Variants in DDHD1 observed in about 807,000 individuals in gnomAD.
The protein encoded by DDHD1 is phospholipase DDHD1.
DDHD1 carries 49 observed loss-of-function variants against 96.4 expected under a neutral mutation model. That is an observed-to-expected ratio of 0.51 (90% CI 0.40 to 0.64). The LOEUF is 0.64. Ranked by LOEUF, DDHD1 falls within the 30% of genes least tolerant of loss-of-function variation. The probability of loss-of-function intolerance (pLI) is 0.00; values close to 1 mark genes in which losing one functional copy is unlikely to be tolerated. For synonymous variants in DDHD1, 442 were observed against 446.5 expected, an observed-to-expected ratio of 0.99 and a Z score of 0.13; for missense variants, 1,106 against 1,161.2, an observed-to-expected ratio of 0.95 and a Z score of 0.69.
rs768336398 is a variant in DDHD1, at chr14:53,148,461, C to A, written c.838+3800G>T. Among the ~76,000 whole-genome samples, 31 of 152,132 alleles carry A rather than the reference C, an allele frequency of 2.0e-4. 1 individual carries two copies. The South Asian group carries it at 4.0e-3, about 19-fold the overall frequency. ...CTGAATAGCTGGGATTACAGACACT[C>A]GCCACCACGCCTGGCTAATTTTTGT... On this transcript the variant is annotated intron_variant, in intron 1 of 12. Transcript: ENST00000673822.
Position 53,132,495 on chromosome 14 carries a change from T to C in DDHD1, c.838+19766A>G, listed in dbSNP as rs114491570. On this transcript the variant is annotated intron_variant, in intron 1 of 12. Transcript: ENST00000673822. ...AGGCTATGCTATAGTGTCTTCCCCA[T>C]CTATCACTGAGTCTACCGCTCTGCC... Among the ~76,000 whole-genome samples the C allele has an allele frequency of 3.4e-3, 521 of 152,250 alleles. 3 individuals carry two copies. Among genetic ancestry groups the C allele is most frequent in the African/African-American group, 0.012 (506 of 41,528 alleles).
chr14:53,103,980 C>T (rs550336193), intron 1 of DDHD1, 124 bp from the exon 2 acceptor site: 426 of 747,238 alleles, frequency 5.7e-4, no homozygotes, highest in Non-Finnish European at 8.2e-4. Flanking sequence ...TGACCCAATA[C>T]AATCATCTAA....
chr14:53,135,083 A>G (rs1890136442), intron 1 of DDHD1, among the ~76,000 whole-genome samples: 1 of 151,878 alleles, frequency 6.6e-6, no homozygotes, highest in Admixed American at 6.6e-5. Flanking sequence ...CTTCACCACC[A>G]TTTTGTTTTG....
At chr14:53,090,081 C>A (rs924778840) in intron 4 of DDHD1, among the ~76,000 whole-genome samples, 10 of 152,130 alleles carry the variant, frequency 6.6e-5, no homozygotes, top group Non-Finnish European at 1.5e-4. Flanking sequence ...AGAGACACTT[C>A]TCAAAAGAAG....
At chr14:53,141,327 A>C (rs1377691137) in intron 1 of DDHD1, among the ~76,000 whole-genome samples, 1 of 152,216 alleles carries the variant, frequency 6.6e-6, no homozygotes, top group Non-Finnish European at 1.5e-5. Context: ...TCAGAGTGTA[A>C]GTGAAAACGA....
At chr14:53,140,875 G>A (rs1890596139) in intron 1 of DDHD1, among the ~76,000 whole-genome samples, 1 of 152,112 alleles carries the variant, frequency 6.6e-6, no homozygotes, top group Admixed American at 6.5e-5. Context: ...GACAGGAAAA[G>A]ATACAAATTG....
At chr14:53,108,522 C>G (rs926650337) in intron 1 of DDHD1, among the ~76,000 whole-genome samples, 1 of 152,170 alleles carries the variant, frequency 6.6e-6, no homozygotes, top group Non-Finnish European at 1.5e-5. Context: ...CCATTGCACT[C>G]CAGCCTGGGT....
intron 1 of DDHD1, among the ~76,000 whole-genome samples, chr14:53,132,801 G>T (rs1379232003): frequency 6.6e-6 from 1 of 152,130 alleles, no homozygotes; most frequent in Non-Finnish European, 1.5e-5. Context: ...CCATCAAAAG[G>T]CATCACATCC....
chr14:53,093,747 C>T, intron 2 of DDHD1: 1 of 287,398 alleles, frequency 3.5e-6, no homozygotes, highest in East Asian at 1.2e-4. Context: ...TAATTAACTG[C>T]TTTCCCGGGT....
At chr14:53,073,671 A>T in intron 5 of DDHD1, 70 bp downstream of exon 5, 9 of 1,361,082 alleles carry the variant, frequency 6.6e-6, no homozygotes, top group Non-Finnish European at 9.2e-6. Context: ...AGTGTTTTCT[A>T]AAACTTTCTG....
intron 3 of DDHD1, chr14:53,092,489 T>C (rs1236596126): frequency 1.3e-5 from 2 of 152,218 alleles, no homozygotes; most frequent in African/African-American, 2.4e-5. Flanking sequence ...TTTTTGATAA[T>C]GCTCTCACAT....
At chr14:53,067,319 T>C (rs1884113985) in intron 6 of DDHD1, among the ~76,000 whole-genome samples, 1 of 151,996 alleles carries the variant, frequency 6.6e-6, no homozygotes, top group South Asian at 2.1e-4. Flanking sequence ...TCACCATGCC[T>C]GGCTAATTTT....
At chr14:53,083,053 C>T (rs1885626180) in intron 4 of DDHD1, among the ~76,000 whole-genome samples, 1 of 152,026 alleles carries the variant, frequency 6.6e-6, no homozygotes, top group African/African-American at 2.4e-5. Flanking sequence ...TGAGAATCAG[C>T]CTTTTTACTC....
At chr14:53,116,112 T>C (rs1342791237) in intron 1 of DDHD1, among the ~76,000 whole-genome samples, 1 of 151,910 alleles carries the variant, frequency 6.6e-6, no homozygotes, top group Non-Finnish European at 1.5e-5. Context: ...CCAACAAGGA[T>C]CAAAAAAGAC....
rs116956550 is a variant in DDHD1 at position 53,079,322 on chromosome 14, T to C, written c.1290-5475A>G. Among the ~76,000 whole-genome samples the C allele has an allele frequency of 9.2e-3, 1,405 of 152,234 alleles. 9 individuals are homozygous for C. Among genetic ancestry groups the C allele is most frequent in the Non-Finnish European group, 0.015 (1,027 of 68,008 alleles). On this transcript the variant is annotated intron_variant, in intron 4 of 12. Transcript: ENST00000673822. ...TTTTTTAAGACACAGGATCTTACTA[T>C]GTGGCCCAGGCTGAAGTGCAGTGGC...
In DDHD1 at chr14:53,046,683, C is replaced by T; in HGVS notation, c.*85G>A. 1.1e-6 allele frequency: 1 copy of T among 886,104 alleles called. No homozygotes were observed. The highest frequency in any genetic ancestry group is 2.8e-5 in the East Asian group (1 of 35,258). The allele number at this position is 886,104 out of a possible 1,614,324, so 54.9% of individuals were successfully genotyped here. On this transcript the variant is annotated 3_prime_UTR_variant, in exon 13 of 13. Coordinates refer to ENST00000673822, the MANE Select transcript of DDHD1 (RefSeq NM_001160148.2). Reference sequence around the variant, plus strand: ...TAAAGAAAACTGAAATATACTTTAACCCTGAAATCTCCGTATCTTGACACA... The same window carrying T: ...TAAAGAAAACTGAAATATACTTTAATCCTGAAATCTCCGTATCTTGACACA...
intron 1 of DDHD1, among the ~76,000 whole-genome samples, chr14:53,140,004 AACT>A (rs1351942867): frequency 3.3e-5 from 5 of 152,194 alleles, no homozygotes; most frequent in African/African-American, 1.2e-4. Context: ...TGGAAATAGA[AACT>A]ACAAGTCAAA....
chr14:53,113,269 T>A (rs910793968), intron 1 of DDHD1, among the ~76,000 whole-genome samples: 29 of 151,636 alleles, frequency 1.9e-4, no homozygotes, highest in African/African-American at 6.8e-4. Flanking sequence ...CGCCTGGCCA[T>A]CTTTCACTAT....
intron 1 of DDHD1, among the ~76,000 whole-genome samples, chr14:53,110,672 A>G (rs1888034637): frequency 6.6e-6 from 1 of 152,196 alleles, no homozygotes; most frequent in Admixed American, 6.5e-5. Context: ...TTGAGAACTC[A>G]AAAGATAAGA....
Sources: allele counts gnomAD v4.1 joint callset (sites outside exome capture counted in the v4.1 genomes callset), GRCh38; gene constraint gnomAD v4.1.1; transcripts MANE v1.5; gene names NCBI Gene and HGNC (gene_info 2026-07-23, HGNC 2026-07-21).